Variants in POU6F2 observed in about 807,000 individuals in gnomAD.
POU6F2 encodes POU class 6 homeobox 2, also known as POU domain, class 6, transcription factor 2.
POU6F2 carries 31 observed loss-of-function variants against 71.3 expected under a neutral mutation model. The observed-to-expected ratio is 0.43, with a 90% CI of 0.33 to 0.59. POU6F2 has a LOEUF of 0.59. POU6F2 is among the 20% of genes least tolerant of loss of function. POU6F2 has a pLI of 0.04. For missense variants in POU6F2, 783 were observed against 856.8 expected, an observed-to-expected ratio of 0.91 and a Z score of 1.07; for synonymous variants, 347 against 355.7, an observed-to-expected ratio of 0.98 and a Z score of 0.27.
At chr7:39,371,742 C>G (rs181219680) in intron 5 of POU6F2, among the ~76,000 whole-genome samples, 82 of 152,346 alleles carry the variant, frequency 5.4e-4, no homozygotes, top group African/African-American at 1.9e-3. Context: ...AACACCCACT[C>G]AAGGTAGACA....
chr7:39,308,881 A>G (rs1161011060), intron 4 of POU6F2, among the ~76,000 whole-genome samples: 1 of 152,120 alleles, frequency 6.6e-6, no homozygotes, highest in African/African-American at 2.4e-5. Flanking sequence ...TGATCCGCCT[A>G]CCTTCCTACC....
At chr7:39,421,884 C>T (rs775515994) in intron 6 of POU6F2, among the ~76,000 whole-genome samples, 3 of 152,290 alleles carry the variant, frequency 2.0e-5, no homozygotes, top group Non-Finnish European at 4.4e-5. Context: ...GATTTAGTCA[C>T]TTAATCTGGC....
intron 2 of POU6F2, among the ~76,000 whole-genome samples, chr7:39,122,669 G>C (rs1289420572): frequency 6.7e-6 from 1 of 149,420 alleles, no homozygotes; most frequent in Non-Finnish European, 1.5e-5. Flanking sequence ...GTCCAATTTA[G>C]AGTTAAACTG....
chr7:39,136,738 A>C (rs1022099786), intron 2 of POU6F2, among the ~76,000 whole-genome samples: 5 of 152,094 alleles, frequency 3.3e-5, no homozygotes, highest in Non-Finnish European at 7.4e-5. Flanking sequence ...TCACACCTGT[A>C]ATCCCAGCAC....
rs577516185 is a variant in POU6F2 at position 39,110,255 on chromosome 7, C to T, written c.277+24224C>T. On this transcript the variant is annotated intron_variant, in intron 2 of 9. Transcript: ENST00000518318. ...CACTGCACTCCAGGCTGGGACAGAGCGAAACTCCGTCTCAAAAAAAAAAAA... is the reference window on the plus strand; with the variant it reads ...CACTGCACTCCAGGCTGGGACAGAGTGAAACTCCGTCTCAAAAAAAAAAAA... Among the ~76,000 whole-genome samples the T allele has an allele frequency of 2.7e-3, 325 of 120,752 alleles. 3 individuals carry two copies. Among genetic ancestry groups the T allele is most frequent in the South Asian group, 4.2e-3 (16 of 3,828 alleles). 79.2% of individuals were successfully genotyped at this position (120,752 alleles called of 152,430 possible). A position where few individuals can be genotyped will look rare whatever the true frequency, so the allele number is the denominator to read the frequency against.
chr7:39,111,514 T>C (rs1791813606), intron 2 of POU6F2, among the ~76,000 whole-genome samples: 1 of 152,228 alleles, frequency 6.6e-6, no homozygotes, highest in South Asian at 2.1e-4. Context: ...TTGTTAATGG[T>C]TCTCTGCATA....
intron 1 of POU6F2, among the ~76,000 whole-genome samples, chr7:39,021,005 T>C (rs1231949066): frequency 6.6e-6 from 1 of 151,958 alleles, no homozygotes; most frequent in Non-Finnish European, 1.5e-5. Flanking sequence ...GGCTGGGTTT[T>C]GTTTTTCTTC....
intron 7 of POU6F2, among the ~76,000 whole-genome samples, chr7:39,443,271 A>G (rs1296927496): frequency 1.3e-5 from 2 of 152,222 alleles, no homozygotes; most frequent in Admixed American, 1.3e-4. Flanking sequence ...AGTACACCCC[A>G]ATCAACATGT....
At chr7:39,158,017 G>A (rs951937392) in intron 2 of POU6F2, among the ~76,000 whole-genome samples, 1 of 152,204 alleles carries the variant, frequency 6.6e-6, no homozygotes. Flanking sequence ...GAAGAGCAGG[G>A]ATCTGAAGCA....
chr7:39,285,094 G>C (rs1011695097), intron 4 of POU6F2, among the ~76,000 whole-genome samples: 1 of 152,186 alleles, frequency 6.6e-6, no homozygotes, highest in Non-Finnish European at 1.5e-5. Flanking sequence ...TAGTGGCTTG[G>C]CCAGAAAGCG....
chr7:39,060,601 A>G (rs1790636704), intron 1 of POU6F2, among the ~76,000 whole-genome samples: 1 of 152,192 alleles, frequency 6.6e-6, no homozygotes, highest in South Asian at 2.1e-4. Context: ...CACTACCTTC[A>G]AGACAGATAA....
intron 4 of POU6F2, among the ~76,000 whole-genome samples, chr7:39,301,506 C>T (rs1784948288): frequency 6.6e-6 from 1 of 152,176 alleles, no homozygotes; most frequent in African/African-American, 2.4e-5. Context: ...CTTGCAGAGG[C>T]ACAGGTGTGT....
intron 4 of POU6F2, among the ~76,000 whole-genome samples, chr7:39,307,531 T>G (rs1263468115): frequency 6.6e-6 from 1 of 152,228 alleles, no homozygotes; most frequent in Non-Finnish European, 1.5e-5. Context: ...TTGAAGATAA[T>G]TTTATACTTC....
chr7:39,008,214 C>T (rs2128702090), intron 1 of POU6F2, among the ~76,000 whole-genome samples: 1 of 150,864 alleles, frequency 6.6e-6, no homozygotes, highest in African/African-American at 2.4e-5. Context: ...TTAATGATTG[C>T]CATTCTAACT....
At chr7:38,978,668 C>A (rs1309804814) in intron 1 of POU6F2, among the ~76,000 whole-genome samples, 1 of 152,124 alleles carries the variant, frequency 6.6e-6, no homozygotes, top group African/African-American at 2.4e-5. Flanking sequence ...GTGGTCTGCT[C>A]GCGCTTCCTA....
intron 1 of POU6F2, among the ~76,000 whole-genome samples, chr7:39,029,157 A>G (rs368310224): frequency 1.3e-5 from 2 of 152,130 alleles, no homozygotes; most frequent in South Asian, 2.1e-4. Flanking sequence ...TCAACTTTTC[A>G]TATTATTATT....
At chr7:39,015,964 T>A (rs1239965881) in intron 1 of POU6F2, among the ~76,000 whole-genome samples, 6 of 59,612 alleles carry the variant, frequency 1.0e-4, no homozygotes, top group African/African-American at 2.0e-4. Flanking sequence ...TATTGTATAT[T>A]GATATATATT....
intron 1 of POU6F2, among the ~76,000 whole-genome samples, chr7:39,050,702 T>C (rs1264184308): frequency 2.6e-5 from 4 of 152,132 alleles, no homozygotes; most frequent in African/African-American, 9.6e-5. Context: ...CTGCTCCAAA[T>C]CAAGTTATTT....
intron 5 of POU6F2, chr7:39,406,399 C>T (rs2115894867): frequency 1.7e-6 from 1 of 586,884 alleles, no homozygotes; most frequent in East Asian, 3.0e-5. Context: ...AGCTCCCCAA[C>T]ATTTTCCTTC....
Sources: allele counts gnomAD v4.1 joint callset (sites outside exome capture counted in the v4.1 genomes callset), GRCh38; gene constraint gnomAD v4.1.1; transcripts MANE v1.5; gene names NCBI Gene and HGNC (gene_info 2026-07-23, HGNC 2026-07-21).